Variants in MYRFL observed in about 807,000 individuals in gnomAD.
The protein encoded by MYRFL is myelin regulatory factor-like protein.
A neutral mutation model predicts 109.4 loss-of-function variants in MYRFL; 88 were observed. That is an observed-to-expected ratio of 0.80 (90% CI 0.68 to 0.96). The LOEUF is 0.96. Ranked by LOEUF, MYRFL falls within the 40% of genes least tolerant of loss-of-function variation. The pLI is 0.00. For synonymous variants in MYRFL, 324 were observed against 320.9 expected (o/e 1.01, Z -0.10); for missense variants, 957 against 954.9 (o/e 1.00, Z -0.03).
chr12:69,938,752 G>C lies in MYRFL; in HGVS notation c.2224+2120G>C, dbSNP rs987810859. ...TCCCAGCCTGAGCGATGCAGAAGAC[G>C]GGTGATTTCTGCATTTCCCTCTGAG... On this transcript the variant is annotated intron_variant, in intron 19 of 24. Transcript: ENST00000552032. Among the ~76,000 whole-genome samples, 3 of 152,166 alleles carry C rather than the reference G, an allele frequency of 2.0e-5. No homozygotes were observed. The East Asian group carries it at 5.8e-4, about 29-fold the overall frequency.
chr12:69,914,988 T>A (rs1954688347), intron 13 of MYRFL, among the ~76,000 whole-genome samples: 1 of 152,196 alleles, frequency 6.6e-6, no homozygotes, highest in Non-Finnish European at 1.5e-5. Context: ...CCCGGCAGTG[T>A]GCTGTGCCTC....
chr12:69,946,096 T>C (rs982486936), intron 19 of MYRFL, among the ~76,000 whole-genome samples: 1 of 151,756 alleles, frequency 6.6e-6, no homozygotes, highest in Non-Finnish European at 1.5e-5. Context: ...TACTAATTTA[T>C]TATTGTTTTT....
intron 7 of MYRFL, among the ~76,000 whole-genome samples, chr12:69,891,624 C>CTCCT (rs1254349710): frequency 1.6e-4 from 3 of 18,736 alleles, no homozygotes; most frequent in Non-Finnish European, 1.0e-4. Context: ...TCTTTCTTTC[C>CTCCT]TCCTTCCTTT....
chr12:69,863,188 C>T (rs1884801163), intron 2 of MYRFL, among the ~76,000 whole-genome samples: 3 of 152,068 alleles, frequency 2.0e-5, no homozygotes, highest in Admixed American at 2.0e-4. Context: ...CAGTGTTCAT[C>T]AAGGATATTG....
chr12:69,853,948 G>C (rs375875655), intron 1 of MYRFL, among the ~76,000 whole-genome samples: 1 of 152,172 alleles, frequency 6.6e-6, no homozygotes, highest in African/African-American at 2.4e-5. Context: ...ACGGGGTGGC[G>C]GCCGGGCAGA....
intron 1 of MYRFL, among the ~76,000 whole-genome samples, chr12:69,844,590 G>A (rs1156386401): frequency 3.3e-5 from 5 of 152,152 alleles, no homozygotes; most frequent in Admixed American, 6.5e-5. Flanking sequence ...GGCGGGGCAC[G>A]GGGCGGTCGT....
chr12:69,932,637 TTGTTCCTTCCCA>T, intron 16 of MYRFL, 39 bp downstream of exon 16: 1 of 1,419,744 alleles, frequency 7.0e-7, no homozygotes. Context: ...TCAAGCTCTT[TTGTTCCTTCCCA>T]TGTTTCTTTT....
At chr12:69,840,983 G>A (rs979192060) in intron 1 of MYRFL, among the ~76,000 whole-genome samples, 7 of 152,344 alleles carry the variant, frequency 4.6e-5, no homozygotes, top group South Asian at 2.1e-4. Flanking sequence ...TCATGTGAAA[G>A]TCCAGCCAGA....
At chr12:69,875,128 A>AT (rs1885584059) in intron 2 of MYRFL, among the ~76,000 whole-genome samples, 2 of 13,144 alleles carry the variant, frequency 1.5e-4, no homozygotes, top group Non-Finnish European at 2.6e-4. Context: ...GTTATATCTT[A>AT]ATTTTTTTTT....
At chr12:69,852,347 A>G (rs1478428107) in intron 1 of MYRFL, among the ~76,000 whole-genome samples, 6 of 152,020 alleles carry the variant, frequency 3.9e-5, no homozygotes, top group African/African-American at 1.2e-4. Context: ...CTCTAAATAT[A>G]TATTTAGATA....
At chr12:69,943,054 C>G (rs1403956901) in intron 19 of MYRFL, among the ~76,000 whole-genome samples, 1 of 151,150 alleles carries the variant, frequency 6.6e-6, no homozygotes, top group Non-Finnish European at 1.5e-5. Context: ...AATGGAAGAA[C>G]ATTCCATGCT....
intron 1 of MYRFL, among the ~76,000 whole-genome samples, chr12:69,848,418 C>G (rs1395477116): frequency 6.6e-6 from 1 of 151,848 alleles, no homozygotes. Flanking sequence ...ACAAAATATG[C>G]TCTTAATTTA....
At chr12:69,840,094 T>G (rs141334040) in intron 1 of MYRFL, among the ~76,000 whole-genome samples, 1 of 152,334 alleles carries the variant, frequency 6.6e-6, no homozygotes, top group East Asian at 1.9e-4. Flanking sequence ...GAAAAACCGA[T>G]GCAAACATGT....
Position 69,897,198 on chromosome 12 carries a change from C to A in MYRFL, c.1134C>A (p.Asp378Glu). The A allele has an allele frequency of 1.3e-6, 2 of 1,535,836 alleles. No homozygotes were observed. The highest frequency in any genetic ancestry group is 8.7e-7 in the Non-Finnish European group (1 of 1,146,688). Reference sequence around the variant, plus strand: ...TTGGACTGTATGCTGCTAACCAAGACCAGTTCTATCTGTTGTCTGCCCACA... The same window carrying A: ...TTGGACTGTATGCTGCTAACCAAGAACAGTTCTATCTGTTGTCTGCCCACA... The part of the protein sequence containing the change: ...LVVGLYAANQ[D>E]QFYLLSAHIS... The change falls in exon 10 of 25, where the codon GAC becomes GAA. Residue 378 changes from aspartate to glutamate, a missense_variant. By Grantham distance (45) the Asp-to-Glu change is conservative (BLOSUM62 2). Transcript: ENST00000552032.
chr12:69,834,371 A>G (rs1158992342), intron 1 of MYRFL, among the ~76,000 whole-genome samples: 1 of 152,210 alleles, frequency 6.6e-6, no homozygotes, highest in Non-Finnish European at 1.5e-5. Flanking sequence ...TTAAGAGCTG[A>G]GAAATATGCT....
At chr12:69,880,315 A>G (rs1186661804) in intron 5 of MYRFL, 23 bp downstream of exon 5, 7 of 701,264 alleles carry the variant, frequency 1.0e-5, no homozygotes, top group African/African-American at 7.0e-5. Context: ...GGGTGGGAAC[A>G]AGGGCGATGC....
chr12:69,877,578 T>C (rs1885767100), intron 2 of MYRFL, among the ~76,000 whole-genome samples: 1 of 152,200 alleles, frequency 6.6e-6, no homozygotes, highest in South Asian at 2.1e-4. Flanking sequence ...TTTGGTCTGC[T>C]GGGGTCTCTG....
chr12:69,871,755 A>G (rs1885367525), intron 2 of MYRFL, among the ~76,000 whole-genome samples: 2 of 152,106 alleles, frequency 1.3e-5, no homozygotes, highest in African/African-American at 4.8e-5. Flanking sequence ...TGTGTCACAT[A>G]TAATTTTCAT....
In MYRFL at chr12:69,936,107, T is replaced by TTTTTA; in HGVS notation, c.1917-6_1917-5insTTTTA. 1 of 739,076 alleles carries TTTTTA rather than the reference T, an allele frequency of 1.4e-6. No homozygotes were observed. Among genetic ancestry groups the TTTTTA allele is most frequent in the Non-Finnish European group, 2.0e-6 (1 of 508,882 alleles). 45.8% of individuals were successfully genotyped at this position (739,076 alleles called of 1,614,324 possible). ...TTTTTTTTTTTTTTTTTTTTTTTTTTGACAGTGCTTTGACGATAGTTGCCC... is the reference window on the plus strand; with the variant it reads ...TTTTTTTTTTTTTTTTTTTTTTTTTTTTTTAGACAGTGCTTTGACGATAGTTGCCC... On this transcript the variant is annotated splice_region_variant and splice_polypyrimidine_tract_variant and intron_variant, in intron 16 of 24. Coordinates refer to ENST00000552032, the MANE Select transcript of MYRFL (RefSeq NM_182530.3).
Sources: gnomAD v4.1 joint callset for allele counts (sites outside exome capture counted in the v4.1 genomes callset) on GRCh38, gnomAD v4.1.1 for gene constraint, MANE v1.5 for transcripts, NCBI Gene and HGNC (gene_info 2026-07-23, HGNC 2026-07-21) for gene names.